The following SPON1 variants were observed in gnomAD, a reference collection of about 807,000 sequenced individuals.
The protein encoded by SPON1 is spondin 1.
In SPON1, 52 loss-of-function variants were observed where a neutral mutation model predicts 111.7. That is an observed-to-expected ratio of 0.47 (90% confidence interval 0.37 to 0.59). The LOEUF (loss-of-function observed/expected upper bound fraction) is 0.59. Ranked by LOEUF, SPON1 falls within the 20% of genes least tolerant of loss-of-function variation. SPON1 has a pLI of 0.00. For missense variants in SPON1, 957 were observed against 1,068.5 expected (o/e 0.90, Z 1.46); for synonymous variants, 410 against 395.8 (o/e 1.04, Z -0.43).
intron 2 of SPON1, among the ~76,000 whole-genome samples, chr11:13,990,649 G>A (rs1848222257): frequency 6.6e-6 from 1 of 151,904 alleles, no homozygotes; most frequent in Non-Finnish European, 1.5e-5. Flanking sequence ...GTTAGTTGAT[G>A]CAGTTTCTTC....
chr11:14,231,697 A>T (rs1848804697), intron 6 of SPON1, among the ~76,000 whole-genome samples: 1 of 152,212 alleles, frequency 6.6e-6, no homozygotes, highest in Non-Finnish European at 1.5e-5. Context: ...ATAGATTACT[A>T]TACAAACTGT....
At chr11:14,188,767 G>C (rs1449366771) in intron 6 of SPON1, among the ~76,000 whole-genome samples, 2 of 152,134 alleles carry the variant, frequency 1.3e-5, no homozygotes, top group Non-Finnish European at 2.9e-5. Context: ...TAATCTCTCT[G>C]AGCCTGTCTT....
At chr11:14,048,637 C>T (rs1299649087) in intron 3 of SPON1, among the ~76,000 whole-genome samples, 1 of 152,162 alleles carries the variant, frequency 6.6e-6, no homozygotes, top group Non-Finnish European at 1.5e-5. Context: ...AATGAGCGAC[C>T]CAGCACTTAA....
chr11:14,231,294 T>C (rs1181240709), intron 6 of SPON1, among the ~76,000 whole-genome samples: 1 of 151,932 alleles, frequency 6.6e-6, no homozygotes, highest in East Asian at 1.9e-4. Flanking sequence ...CCACCACGCC[T>C]GGCTAATTTT....
intron 5 of SPON1, among the ~76,000 whole-genome samples, chr11:14,123,425 A>T (rs1035009016): frequency 6.6e-6 from 1 of 152,064 alleles, no homozygotes; most frequent in African/African-American, 2.4e-5. Context: ...GGGCTAATGT[A>T]GTTTTGCTAC....
At chr11:14,233,746 C>T (rs553991472) in intron 6 of SPON1, among the ~76,000 whole-genome samples, 55 of 144,176 alleles carry the variant, frequency 3.8e-4, no homozygotes, top group African/African-American at 1.4e-3. Flanking sequence ...GTGTCCAACA[C>T]TGTTTCTTTT....
At chr11:13,984,883 C>G (rs1445813060) in intron 2 of SPON1, among the ~76,000 whole-genome samples, 1 of 152,340 alleles carries the variant, frequency 6.6e-6, no homozygotes, top group African/African-American at 2.4e-5. Flanking sequence ...GTCCAGACCT[C>G]AGTCCTATTT....
At chr11:14,154,003 C>A (rs1346889712) in intron 6 of SPON1, among the ~76,000 whole-genome samples, 1 of 152,216 alleles carries the variant, frequency 6.6e-6, no homozygotes, top group African/African-American at 2.4e-5. Flanking sequence ...CATACTGATG[C>A]AAATGATGGG....
chr11:14,184,544 G>A (rs900578610), intron 6 of SPON1, among the ~76,000 whole-genome samples: 3 of 152,238 alleles, frequency 2.0e-5, no homozygotes, highest in African/African-American at 7.2e-5. Context: ...TGGTAGAGAA[G>A]GTGAAAGCTG....
At chr11:14,151,493 A>G (rs1359435635) in intron 6 of SPON1, among the ~76,000 whole-genome samples, 1 of 152,186 alleles carries the variant, frequency 6.6e-6, no homozygotes, top group Non-Finnish European at 1.5e-5. Flanking sequence ...TGTTCATTCA[A>G]CAAATAATTG....
At position 14,113,591 on chromosome 11, in the gene SPON1, T is replaced by A. The variant is rs1564908163; in HGVS notation, c.677-21829T>A. On this transcript the variant is annotated intron_variant, in intron 5 of 15. Transcript: ENST00000576479. Reference sequence around the variant, plus strand: ...AAATTTTTTTTTTTTTTTTTTTTTTTTTTTTTTTTTTTTTTTTTTTTTTTT... The same window carrying A: ...AAATTTTTTTTTTTTTTTTTTTTTTATTTTTTTTTTTTTTTTTTTTTTTTT... 4.2e-3 allele frequency among the ~76,000 whole-genome samples: 157 copies of A among 37,472 alleles called. 16 individuals are homozygous for A. Among genetic ancestry groups the A allele is most frequent in the African/African-American group, 0.015 (148 of 9,554 alleles). The allele number at this position is 37,472 out of a possible 152,430, so 24.6% of individuals were successfully genotyped here. A position where few individuals can be genotyped will look rare whatever the true frequency, so the allele number is the denominator to read the frequency against.
intron 6 of SPON1, among the ~76,000 whole-genome samples, chr11:14,198,888 T>G (rs781873155): frequency 2.6e-5 from 4 of 152,182 alleles, no homozygotes; most frequent in Non-Finnish European, 4.4e-5. Context: ...TCTGTTGTAT[T>G]TGCATTTTTT....
At chr11:14,193,709 G>A (rs995434486) in intron 6 of SPON1, among the ~76,000 whole-genome samples, 1 of 152,096 alleles carries the variant, frequency 6.6e-6, no homozygotes, top group Non-Finnish European at 1.5e-5. Context: ...CTCGGGTATT[G>A]CCTGGAATCC....
intron 6 of SPON1, among the ~76,000 whole-genome samples, chr11:14,171,663 A>G (rs1434461501): frequency 2.0e-5 from 3 of 151,738 alleles, no homozygotes; most frequent in Non-Finnish European, 2.9e-5. Flanking sequence ...ACTGCTTTGA[A>G]TGTGTCCCAG....
At position 14,259,221 on chromosome 11, in the gene SPON1, A is replaced by T. The variant is rs2133926324; in HGVS notation, c.1493-59A>T. On this transcript the variant is annotated intron_variant, in intron 11 of 15. Transcript: ENST00000576479. The surrounding 1 kb of genome is among the most constrained non-coding windows in gnomAD (Gnocchi z 5.0). The stretch of plus-strand genomic sequence containing the variant: ...CGCTGGCGGGAAGTTCCCACCGCGC[A>T]GCCTGGCAGGCGCCCCTGCCACCGT... 1.3e-6 allele frequency: 2 copies of T among 1,502,170 alleles called. No homozygotes were observed. The highest frequency in any genetic ancestry group is 2.6e-5 in the South Asian group (2 of 76,512). 93.1% of individuals were successfully genotyped at this position (1,502,170 alleles called of 1,614,324 possible).
rs181442689 is a variant in SPON1, at chr11:14,060,844, T to A, written c.480-14501T>A. On this transcript the variant is annotated intron_variant, in intron 3 of 15. Coordinates refer to ENST00000576479, the MANE Select transcript of SPON1 (RefSeq NM_006108.4). Reference sequence around the variant, plus strand: ...CAACACTGATCCATTGGTACCAACATCCAGTAGGTCCCAGTTACTGTGCCA... The same window carrying A: ...CAACACTGATCCATTGGTACCAACAACCAGTAGGTCCCAGTTACTGTGCCA... Among the ~76,000 whole-genome samples, 182 of 152,286 alleles carry A rather than the reference T, an allele frequency of 1.2e-3. 1 individual carries two copies. Among genetic ancestry groups the A allele is most frequent in the African/African-American group, 4.2e-3 (175 of 41,550 alleles).
chr11:14,187,570 C>T (rs369820225), intron 6 of SPON1, among the ~76,000 whole-genome samples: 2 of 152,172 alleles, frequency 1.3e-5, no homozygotes, highest in Non-Finnish European at 2.9e-5. Flanking sequence ...TAGGAATTCT[C>T]AGTGCAGCAG....
intron 5 of SPON1, among the ~76,000 whole-genome samples, chr11:14,121,239 G>A (rs11820948): frequency 0.022 from 3,362 of 152,278 alleles, 127 homozygotes; most frequent in African/African-American, 0.076. Context: ...TAGTTACTAT[G>A]TAGTTGCCTG....
intron 6 of SPON1, among the ~76,000 whole-genome samples, chr11:14,206,335 A>G (rs782745262): frequency 7.2e-5 from 11 of 152,152 alleles, no homozygotes; most frequent in Non-Finnish European, 1.2e-4. Flanking sequence ...CTGGGACTAC[A>G]GGTGCACACT....
Sources: allele counts gnomAD v4.1 joint callset (sites outside exome capture counted in the v4.1 genomes callset), GRCh38; gene constraint gnomAD v4.1.1; non-coding constraint Gnocchi (gnomAD v3.1); transcripts MANE v1.5; gene names NCBI Gene and HGNC (gene_info 2026-07-23, HGNC 2026-07-21).